The following MACROD2 variants were observed in gnomAD, a reference collection of about 807,000 sequenced individuals.
The protein encoded by MACROD2 is ADP-ribose glycohydrolase MACROD2.
MACROD2 carries 36 observed loss-of-function variants against 70.4 expected under a neutral mutation model. The ratio of observed to expected loss-of-function variants is 0.51; its 90% CI spans 0.39 to 0.68. The LOEUF is 0.68. Ranked by LOEUF, MACROD2 falls within the 30% of genes least tolerant of loss-of-function variation. The pLI, the probability that MACROD2 is intolerant of heterozygous loss-of-function variation, is 0.00. For synonymous variants in MACROD2, 172 were observed against 178.8 expected, an observed-to-expected ratio of 0.96 and a Z score of 0.30; for missense variants, 496 against 538.4, an observed-to-expected ratio of 0.92 and a Z score of 0.78.
At chr20:14,749,597 T>C (rs1053185280) in intron 5 of MACROD2, among the ~76,000 whole-genome samples, 1 of 152,148 alleles carries the variant, frequency 6.6e-6, no homozygotes, top group Non-Finnish European at 1.5e-5. Context: ...TACTATTGCA[T>C]ATTTCAGTCA....
intron 5 of MACROD2, among the ~76,000 whole-genome samples, chr20:15,092,892 T>C (rs1468155672): frequency 1.3e-5 from 2 of 152,156 alleles, no homozygotes; most frequent in South Asian, 2.1e-4. Flanking sequence ...GAATAAGTGC[T>C]AAGTGAAGCA....
chr20:14,766,143 G>GTA (rs2123761633), intron 5 of MACROD2, among the ~76,000 whole-genome samples: 1 of 152,042 alleles, frequency 6.6e-6, no homozygotes, highest in African/African-American at 2.4e-5. Context: ...TGGTGTGTGT[G>GTA]TGTGTACACT....
chr20:14,742,215 T>C (rs1035130354), intron 5 of MACROD2, among the ~76,000 whole-genome samples: 2 of 152,194 alleles, frequency 1.3e-5, no homozygotes, highest in African/African-American at 4.8e-5. Flanking sequence ...AATATTCAGT[T>C]GTTGATAAAT....
intron 3 of MACROD2, among the ~76,000 whole-genome samples, chr20:14,098,804 T>C (rs951873060): frequency 6.6e-6 from 1 of 152,216 alleles, no homozygotes. Flanking sequence ...TCATCTCTAC[T>C]AGCAAAGCAT....
At chr20:15,548,227 AG>A (rs978412131) in intron 8 of MACROD2, among the ~76,000 whole-genome samples, 1 of 152,196 alleles carries the variant, frequency 6.6e-6, no homozygotes, top group Non-Finnish European at 1.5e-5. Flanking sequence ...TGATTTATCT[AG>A]GAAAGACCTT....
At chr20:15,334,011 C>T (rs1439448511) in intron 6 of MACROD2, among the ~76,000 whole-genome samples, 1 of 151,610 alleles carries the variant, frequency 6.6e-6, no homozygotes, top group Non-Finnish European at 1.5e-5. Flanking sequence ...TCTGTTATTA[C>T]AAAGCTATTG....
intron 8 of MACROD2, among the ~76,000 whole-genome samples, chr20:15,857,006 C>G (rs890806513): frequency 9.9e-5 from 15 of 152,174 alleles, no homozygotes; most frequent in African/African-American, 3.4e-4. Context: ...CTTCATTGCT[C>G]TTCTCTACAT....
At position 14,400,163 on chromosome 20, in the gene MACROD2, G is replaced by T. The variant is rs371112893; in HGVS notation, c.272-93316G>T. ...ATAATATTGGGTGCTAAATATTTTT[G>T]AATCCCTATCAATATCTTAACTTTT... On this transcript the variant is annotated intron_variant, in intron 3 of 17. Coordinates refer to ENST00000684519, the MANE Select transcript of MACROD2 (RefSeq NM_001351661.2). 2.0e-5 allele frequency among the ~76,000 whole-genome samples: 3 copies of T among 152,148 alleles called. No homozygotes were observed. In the East Asian group the frequency reaches 5.8e-4, roughly 29 times the overall value.
intron 8 of MACROD2, among the ~76,000 whole-genome samples, chr20:15,851,865 T>A (rs1431876985): frequency 6.6e-6 from 1 of 152,076 alleles, no homozygotes; most frequent in East Asian, 1.9e-4. Context: ...CACCAGCACC[T>A]CCAGCAAGGG....
intron 5 of MACROD2, among the ~76,000 whole-genome samples, chr20:15,101,399 A>G (rs1486487748): frequency 6.6e-6 from 1 of 152,024 alleles, no homozygotes; most frequent in African/African-American, 2.4e-5. Flanking sequence ...ATTTGAATCC[A>G]TGAAAGTTAA....
At chr20:14,372,626 A>G (rs2083335940) in intron 3 of MACROD2, among the ~76,000 whole-genome samples, 1 of 152,086 alleles carries the variant, frequency 6.6e-6, no homozygotes, top group Non-Finnish European at 1.5e-5. Flanking sequence ...AATTCCTCTC[A>G]CCGTTACCCC....
At chr20:14,294,133 T>C (rs1480935806) in intron 3 of MACROD2, among the ~76,000 whole-genome samples, 1 of 151,792 alleles carries the variant, frequency 6.6e-6, no homozygotes, top group African/African-American at 2.4e-5. Flanking sequence ...AACCTTTTTA[T>C]GTATGTAAGT....
At chr20:14,971,671 A>T (rs2074692827) in intron 5 of MACROD2, among the ~76,000 whole-genome samples, 1 of 151,750 alleles carries the variant, frequency 6.6e-6, no homozygotes, top group Non-Finnish European at 1.5e-5. Flanking sequence ...TCATCTGAAG[A>T]CTCAACCTGG....
At chr20:15,825,407 T>A (rs926625403) in intron 8 of MACROD2, among the ~76,000 whole-genome samples, 1 of 152,160 alleles carries the variant, frequency 6.6e-6, no homozygotes, top group Non-Finnish European at 1.5e-5. Flanking sequence ...TCCCAGCCAA[T>A]GCCAGCTGAC....
chr20:14,337,583 A>T (rs1601504570), intron 3 of MACROD2: 2 of 398,534 alleles, frequency 5.0e-6, no homozygotes, highest in East Asian at 7.1e-5. Context: ...CTGAGGAGTG[A>T]GCGAGGGAGA....
At chr20:14,612,950 T>C (rs576019465) in intron 4 of MACROD2, among the ~76,000 whole-genome samples, 10 of 152,238 alleles carry the variant, frequency 6.6e-5, no homozygotes, top group African/African-American at 2.2e-4. Context: ...ATTTCTTCTA[T>C]GCACCTACAG....
At chr20:15,572,581 G>C (rs2048390027) in intron 8 of MACROD2, among the ~76,000 whole-genome samples, 1 of 150,886 alleles carries the variant, frequency 6.6e-6, no homozygotes, top group South Asian at 2.1e-4. Context: ...TTATAAATTA[G>C]TTTATTTGGT....
intron 2 of MACROD2, among the ~76,000 whole-genome samples, chr20:14,019,507 T>C (rs2053041362): frequency 2.6e-5 from 4 of 152,128 alleles, no homozygotes; most frequent in Non-Finnish European, 5.9e-5. Context: ...TCTCCTGACT[T>C]TGTGATCCGC....
chr20:15,967,462 C>A, intron 12 of MACROD2, 91 bp from the exon 13 acceptor site: 1 of 1,041,038 alleles, frequency 9.6e-7, no homozygotes, highest in Non-Finnish European at 1.4e-6. Flanking sequence ...TTCTATTTTT[C>A]CTCAAACATA....
Sources: gnomAD v4.1 joint callset for allele counts (sites outside exome capture counted in the v4.1 genomes callset) on GRCh38, gnomAD v4.1.1 for gene constraint, MANE v1.5 for transcripts, NCBI Gene and HGNC (gene_info 2026-07-23, HGNC 2026-07-21) for gene names.